ACSL4: variants seen among roughly 807,000 people sequenced by gnomAD.
The protein encoded by ACSL4 is acyl-CoA synthetase long chain family member 4.
A neutral mutation model predicts 49.1 loss-of-function variants in ACSL4; 9 were observed. The ratio of observed to expected loss-of-function variants is 0.18; its 90% confidence interval spans 0.11 to 0.32. The LOEUF (loss-of-function observed/expected upper bound fraction) is 0.32, where lower values mean the gene tolerates loss of function less well. Among genes scored for constraint, ACSL4 ranks in the 10% least tolerant of loss-of-function variants. ACSL4 has a pLI of 1.00. For synonymous variants in ACSL4, 191 were observed against 170.3 expected (o/e 1.12, Z -0.95); for missense variants, 333 against 493.7 (o/e 0.67, Z 3.08).
chrX:109,644,999 C>G (rs769732203), intron 15 of ACSL4, among the ~76,000 whole-genome samples: 1 of 112,931 alleles, frequency 8.9e-6, no homozygotes, highest in Non-Finnish European at 1.9e-5. Context: ...GATTATAGCC[C>G]GCACCTGGCT....
Position 109,695,488 on chromosome X carries a change from G to A in ACSL4, c.-13+656C>T, listed in dbSNP as rs898949647. Among the ~76,000 whole-genome samples the A allele has an allele frequency of 8.2e-5, 9 of 110,369 alleles. No individual in the cohort carries two copies. The East Asian group carries it at 1.1e-3, about 14-fold the overall frequency. On this transcript the variant is annotated intron_variant, in intron 2 of 15. Coordinates refer to ENST00000672401, the MANE Select transcript of ACSL4 (RefSeq NM_001318510.2). ...ATCCAGCACTTTGGAAGGCCGAGGC[G>A]GGAGAATAACTTGAGGCCAGGAGTT...
Position 109,654,376 on chromosome X carries a change from AATG to A in ACSL4, c.1855+4975_1855+4977del, listed in dbSNP as rs1404071850. Among the ~76,000 whole-genome samples, 19 of 111,710 alleles carry A rather than the reference AATG, an allele frequency of 1.7e-4. No homozygotes were observed. The South Asian group carries it at 6.9e-3, about 41-fold the overall frequency. ...AATATAGATAACCTATAATCAGAAA[AATG>A]ATATTTTTATTTGTAAGAGAAAAAC... On this transcript the variant is annotated intron_variant, in intron 15 of 15. Transcript: ENST00000672401.
chrX:109,683,623 CA>C (rs1924358762), intron 2 of ACSL4: 1 of 480,467 alleles, frequency 2.1e-6, no homozygotes, highest in Non-Finnish European at 3.5e-6. Context: ...CTTAGTGATA[CA>C]GATAAAAGTT....
chrX:109,664,590 A>G (rs1431347668), intron 12 of ACSL4, among the ~76,000 whole-genome samples: 2 of 112,029 alleles, frequency 1.8e-5, no homozygotes, highest in Non-Finnish European at 3.8e-5. Context: ...TGACAATAAC[A>G]CACATAATAA....
Position 109,659,301 on chromosome X carries a change from ACAT to A in ACSL4, c.1855+50_1855+52del, listed in dbSNP as rs963417207. 87 of 1,068,306 alleles carry A rather than the reference ACAT, an allele frequency of 8.1e-5. 1 individual carries two copies. The highest frequency in any genetic ancestry group is 1.0e-4 in the Non-Finnish European group (79 of 769,141). 88.0% of individuals were successfully genotyped at this position (1,068,306 alleles called of 1,213,427 possible). Reference sequence around the variant, plus strand: ...CATATTGAAGAGCCTAATGCAAAAGACATCATTAGATGACTTTTAGGGACTATA... The same window carrying A: ...CATATTGAAGAGCCTAATGCAAAAGACATTAGATGACTTTTAGGGACTATA... On this transcript the variant is annotated intron_variant, in intron 15 of 15. Coordinates refer to ENST00000672401, the MANE Select transcript of ACSL4 (RefSeq NM_001318510.2).
At chrX:109,644,914 G>C (rs1934588047) in intron 15 of ACSL4, among the ~76,000 whole-genome samples, 1 of 112,970 alleles carries the variant, frequency 8.9e-6, no homozygotes, top group Admixed American at 9.3e-5. Flanking sequence ...AAAGAAACGG[G>C]TCACCTGGAA....
At chrX:109,653,928 A>AC (rs1411570177) in intron 15 of ACSL4, among the ~76,000 whole-genome samples, 1 of 109,464 alleles carries the variant, frequency 9.1e-6, no homozygotes, top group Non-Finnish European at 1.9e-5. Context: ...CACATTGTGC[A>AC]CATGTACCCT....
At chrX:109,732,240 A>G (rs999957200) in intron 1 of ACSL4, among the ~76,000 whole-genome samples, 4 of 111,924 alleles carry the variant, frequency 3.6e-5, no homozygotes, top group African/African-American at 9.8e-5. Flanking sequence ...GCGACGATTG[A>G]CCTTTTTTTA....
chrX:109,700,700 T>C (rs1324317813), intron 1 of ACSL4, among the ~76,000 whole-genome samples: 1 of 111,210 alleles, frequency 9.0e-6, no homozygotes, highest in Admixed American at 9.6e-5. Flanking sequence ...CAGAATGAAC[T>C]AGATATGTTG....
chrX:109,701,577 G>A (rs1455710903), intron 1 of ACSL4, among the ~76,000 whole-genome samples: 10 of 77,198 alleles, frequency 1.3e-4, no homozygotes, highest in East Asian at 4.1e-4. Context: ...ATGGAGTCTC[G>A]CTCTGTCGCC....
At chrX:109,677,184 A>C (rs747147195) in intron 8 of ACSL4, among the ~76,000 whole-genome samples, 4 of 109,754 alleles carry the variant, frequency 3.6e-5, no homozygotes, top group East Asian at 2.9e-4. Flanking sequence ...GGATGGTCTC[A>C]ATCTCCTGAC....
chrX:109,648,890 CAGAG>C (rs759450294), intron 15 of ACSL4, among the ~76,000 whole-genome samples: 1 of 97,740 alleles, frequency 1.0e-5, no homozygotes, highest in Non-Finnish European at 2.1e-5. Flanking sequence ...AACAGACAAA[CAGAG>C]AGCCAAATCA....
intron 1 of ACSL4, among the ~76,000 whole-genome samples, chrX:109,728,096 C>T (rs1928151970): frequency 8.9e-6 from 1 of 112,425 alleles, no homozygotes; most frequent in African/African-American, 3.2e-5. Flanking sequence ...TAACCTTTTC[C>T]TATAATTCCT....
At chrX:109,644,256 G>A in intron 15 of ACSL4, 70 bp from the exon 16 acceptor site, 1 of 954,222 alleles carries the variant, frequency 1.0e-6, no homozygotes, top group Non-Finnish European at 1.4e-6. Context: ...GTGGGGACGG[G>A]GAAAGAAGGG....
intron 8 of ACSL4, among the ~76,000 whole-genome samples, chrX:109,677,544 C>T (rs915841900): frequency 3.6e-5 from 4 of 110,164 alleles, no homozygotes; most frequent in Non-Finnish European, 5.7e-5. Context: ...TTTGGGAGGC[C>T]GAGGCGGACA....
chrX:109,692,375 A>G (rs1345823516), intron 2 of ACSL4, among the ~76,000 whole-genome samples: 2 of 112,193 alleles, frequency 1.8e-5, no homozygotes, highest in Non-Finnish European at 3.8e-5. Flanking sequence ...GTAGCTTTCT[A>G]AAGCTGGGAA....
chrX:109,644,803 G>A (rs770625394), intron 15 of ACSL4, among the ~76,000 whole-genome samples: 2 of 113,077 alleles, frequency 1.8e-5, no homozygotes, highest in Non-Finnish European at 3.7e-5. Context: ...CAGACAGTGG[G>A]CGCAGGTCAG....
rs201269990 is a variant in ACSL4 at position 109,678,257 on chromosome X, T to G, written c.806+8A>C. 4.6e-4 allele frequency: 551 copies of G among 1,210,121 alleles called. No individual in the cohort carries two copies. Among genetic ancestry groups the G allele is most frequent in the Non-Finnish European group, 5.9e-4 (526 of 895,144 alleles). ...ATTTCTAAGAAGAAAGTTAAAGAAT[T>G]ATCTTACCCCAGTCCAGGTATTCTT... On this transcript the variant is annotated splice_region_variant and intron_variant, in intron 7 of 15. Coordinates refer to ENST00000672401, the MANE Select transcript of ACSL4 (RefSeq NM_001318510.2).
intron 1 of ACSL4, among the ~76,000 whole-genome samples, chrX:109,709,826 G>A (rs1926624060): frequency 8.9e-6 from 1 of 112,260 alleles, no homozygotes; most frequent in Non-Finnish European, 1.9e-5. Flanking sequence ...TGAAGGCGAG[G>A]CCGGGTGCGG....
Sources: gnomAD v4.1 joint callset for allele counts (sites outside exome capture counted in the v4.1 genomes callset) on GRCh38, gnomAD v4.1.1 for gene constraint, MANE v1.5 for transcripts, NCBI Gene and HGNC (gene_info 2026-07-23, HGNC 2026-07-21) for gene names.